CCDC171: variants seen among roughly 807,000 people sequenced by gnomAD.
CCDC171 encodes the protein coiled-coil domain-containing protein 171.
In CCDC171, 177 loss-of-function variants were observed where a neutral mutation model predicts 168.2. That is an observed-to-expected ratio of 1.05 (90% CI 0.93 to 1.19). The LOEUF is 1.19. Among genes scored for constraint, CCDC171 ranks in the 50% most tolerant of loss-of-function variants. The pLI, the probability that CCDC171 is intolerant of heterozygous loss-of-function variation, is 0.00. For missense variants in CCDC171, 1,991 were observed against 1,539.0 expected (o/e 1.29, Z -4.91); for synonymous variants, 687 against 540.8 (o/e 1.27, Z -3.75).
chr9:15,779,601 CTG>C (rs1270373894), intron 20 of CCDC171, among the ~76,000 whole-genome samples: 1 of 152,116 alleles, frequency 6.6e-6, no homozygotes, highest in Non-Finnish European at 1.5e-5. Flanking sequence ...CTCAGCTGAT[CTG>C]CCCACCTCAG....
intron 3 of CCDC171, among the ~76,000 whole-genome samples, chr9:15,573,803 G>A (rs1280059739): frequency 1.3e-5 from 2 of 150,822 alleles, no homozygotes; most frequent in African/African-American, 2.4e-5. Context: ...GCTCATGCCT[G>A]TAATCCCAGC....
intron 5 of CCDC171, 145 bp downstream of exon 5, chr9:15,591,701 A>G (rs10962088): frequency 0.041 from 23,371 of 575,116 alleles, 611 homozygotes; most frequent in Non-Finnish European, 0.054. Context: ...TTTTAGGGGC[A>G]TATTTGCTGG....
intron 21 of CCDC171, among the ~76,000 whole-genome samples, chr9:15,786,505 A>G (rs2057963110): frequency 6.6e-6 from 1 of 152,180 alleles, no homozygotes; most frequent in African/African-American, 2.4e-5. Context: ...AAATACAATC[A>G]TACTATTATA....
At chr9:15,589,190 ACACATAGC>A (rs1311525977) in intron 4 of CCDC171, among the ~76,000 whole-genome samples, 2 of 152,134 alleles carry the variant, frequency 1.3e-5, no homozygotes, top group Non-Finnish European at 2.9e-5. Flanking sequence ...TGATATTGAC[ACACATAGC>A]CACCTTGGCA....
In CCDC171 at chr9:15,831,636, C is replaced by T. The variant is rs188536520; in HGVS notation, c.3268-15066C>T. On this transcript the variant is annotated intron_variant, in intron 21 of 25. Coordinates refer to ENST00000380701, the MANE Select transcript of CCDC171 (RefSeq NM_173550.4). The stretch of plus-strand genomic sequence containing the variant: ...GGATTGCATGTTAAGCACATGTACC[C>T]GCATACCATTTGTTCCAGTTAGTTT... 1.8e-3 allele frequency among the ~76,000 whole-genome samples: 280 copies of T among 152,202 alleles called. 1 individual carries two copies. Among genetic ancestry groups the T allele is most frequent in the Admixed American group, 3.9e-3 (60 of 15,288 alleles).
chr9:15,717,228 C>T (rs1239031271), intron 11 of CCDC171, among the ~76,000 whole-genome samples: 1 of 152,140 alleles, frequency 6.6e-6, no homozygotes, highest in African/African-American at 2.4e-5. Flanking sequence ...CTCAGTGATG[C>T]CCTGTCACAG....
chr9:15,852,505 A>G (rs562772600), intron 23 of CCDC171, among the ~76,000 whole-genome samples: 1 of 151,848 alleles, frequency 6.6e-6, no homozygotes, highest in East Asian at 1.9e-4. Flanking sequence ...TATGAATTGA[A>G]AACATTTTCT....
intron 7 of CCDC171, among the ~76,000 whole-genome samples, chr9:15,635,390 A>C (rs929978885): frequency 6.6e-6 from 1 of 152,172 alleles, no homozygotes; most frequent in South Asian, 2.1e-4. Context: ...ATATATATAT[A>C]AATCACAGTG....
intron 11 of CCDC171, among the ~76,000 whole-genome samples, chr9:15,713,315 ATT>A (rs3082816): frequency 0.46 from 69,542 of 149,644 alleles, 16,607 homozygotes; most frequent in East Asian, 0.78. Flanking sequence ...AACCAAGCCC[ATT>A]TTTTTTTTTT....
chr9:15,719,389 C>CG lies in CCDC171; in HGVS notation c.1319-2373dup, dbSNP rs1206677427. On this transcript the variant is annotated intron_variant, in intron 11 of 25. Transcript: ENST00000380701. Reference sequence around the variant, plus strand: ...AAGAGTTATTGGCCTTCAAGGCTGGCGGGGGGGTGGGGGGCGGGGCGGGGG... The same window carrying CG: ...AAGAGTTATTGGCCTTCAAGGCTGGCGGGGGGGGTGGGGGGCGGGGCGGGGG... 7.9e-3 allele frequency among the ~76,000 whole-genome samples: 162 copies of CG among 20,454 alleles called. 1 individual carries two copies. Among genetic ancestry groups the CG allele is most frequent in the Middle Eastern group, 0.062 (1 of 16 alleles). The allele number at this position is 20,454 out of a possible 152,430, so 13.4% of individuals were successfully genotyped here. A position where few individuals can be genotyped will look rare whatever the true frequency, so the allele number is the denominator to read the frequency against.
intron 6 of CCDC171, among the ~76,000 whole-genome samples, chr9:16,032,561 G>T (rs747930844): frequency 6.6e-6 from 1 of 152,158 alleles, no homozygotes; most frequent in Admixed American, 6.5e-5. Flanking sequence ...TCTGTACAGC[G>T]AAGTGGGGAC....
chr9:15,898,042 T>C (rs1589040067), intron 24 of CCDC171, among the ~76,000 whole-genome samples: 1 of 152,178 alleles, frequency 6.6e-6, no homozygotes, highest in East Asian at 1.9e-4. Flanking sequence ...ATAATCCTGG[T>C]GTAACACCAA....
the CCDC171 span, among the ~76,000 whole-genome samples, chr9:16,100,593 G>A: frequency 6.6e-6 from 1 of 152,194 alleles, no homozygotes; most frequent in Non-Finnish European, 1.5e-5. Context: ...GGGGATTTTT[G>A]TTAGTGAGAA....
intron 6 of CCDC171, among the ~76,000 whole-genome samples, chr9:15,619,301 C>T (rs1234608249): frequency 1.3e-5 from 2 of 152,176 alleles, no homozygotes; most frequent in African/African-American, 2.4e-5. Context: ...AACGCTATGT[C>T]TTTAGTGCCG....
chr9:15,958,820 C>G (rs1288422281), intron 25 of CCDC171, among the ~76,000 whole-genome samples: 1 of 152,008 alleles, frequency 6.6e-6, no homozygotes, highest in Non-Finnish European at 1.5e-5. Context: ...TCAAGTTATC[C>G]AAGGGGTCAT....
chr9:15,587,484 T>A (rs2041652545), intron 4 of CCDC171: 1 of 364,652 alleles, frequency 2.7e-6, no homozygotes, highest in Non-Finnish European at 5.5e-6. Flanking sequence ...TCCCCAGCCA[T>A]GTGAAACTGT....
intron 4 of CCDC171, among the ~76,000 whole-genome samples, chr9:15,590,977 G>A (rs1483272222): frequency 1.3e-5 from 2 of 151,790 alleles, no homozygotes; most frequent in Non-Finnish European, 2.9e-5. Context: ...AGCCTCCAGA[G>A]TAGCTGGGAT....
intron 1 of CCDC171, among the ~76,000 whole-genome samples, chr9:16,046,315 G>C (rs986792377): frequency 6.6e-6 from 1 of 152,126 alleles, no homozygotes; most frequent in Non-Finnish European, 1.5e-5. Flanking sequence ...ATTAGAGTAG[G>C]CAGTGGCTGC....
intron 7 of CCDC171, among the ~76,000 whole-genome samples, chr9:15,625,832 A>G (rs974231399): frequency 6.6e-6 from 1 of 152,156 alleles, no homozygotes; most frequent in Non-Finnish European, 1.5e-5. Context: ...AATTTAAAGT[A>G]GTTTTTTTCC....
Sources: gnomAD v4.1 joint callset for allele counts (sites outside exome capture counted in the v4.1 genomes callset) on GRCh38, gnomAD v4.1.1 for gene constraint, MANE v1.5 for transcripts, NCBI Gene and HGNC (gene_info 2026-07-23, HGNC 2026-07-21) for gene names.